The following REEP1 variants were observed in gnomAD, a reference collection of about 807,000 sequenced individuals.
REEP1 encodes the protein receptor accessory protein 1.
REEP1 carries 22 observed loss-of-function variants against 40.3 expected under a neutral mutation model. That is an observed-to-expected ratio of 0.55 (90% CI 0.39 to 0.78). The LOEUF (loss-of-function observed/expected upper bound fraction) is 0.78. Ranked by LOEUF, REEP1 falls within the 30% of genes least tolerant of loss-of-function variation. The pLI is 0.00. For missense variants in REEP1, 280 were observed against 361.1 expected, an observed-to-expected ratio of 0.78 and a Z score of 1.82; for synonymous variants, 116 against 139.2, an observed-to-expected ratio of 0.83 and a Z score of 1.17.
intron 1 of REEP1, among the ~76,000 whole-genome samples, chr2:86,333,830 C>G (rs1680881604): frequency 1.3e-5 from 2 of 152,230 alleles, no homozygotes; most frequent in Admixed American, 1.3e-4. Flanking sequence ...ATGAAGGTAT[C>G]AACCTGGTTC....
chr2:86,276,799 T>G (rs1407662730), intron 2 of REEP1, among the ~76,000 whole-genome samples: 1 of 152,194 alleles, frequency 6.6e-6, no homozygotes, highest in Non-Finnish European at 1.5e-5. Flanking sequence ...CCAGCACTGT[T>G]GGCATCATCT....
chr2:86,305,519 A>G (rs1020595760), intron 1 of REEP1, among the ~76,000 whole-genome samples: 6 of 152,122 alleles, frequency 3.9e-5, no homozygotes, highest in African/African-American at 1.4e-4. Context: ...GGAGCTCTCA[A>G]ACTTGAGAGG....
At chr2:86,333,386 C>T (rs946024421) in intron 1 of REEP1, among the ~76,000 whole-genome samples, 7 of 152,210 alleles carry the variant, frequency 4.6e-5, no homozygotes, top group Non-Finnish European at 1.0e-4. Context: ...CAAACTAAGA[C>T]TCTGTCTTGA....
intron 1 of REEP1, among the ~76,000 whole-genome samples, chr2:86,335,587 A>G (rs1159020400): frequency 6.6e-6 from 1 of 152,174 alleles, no homozygotes. Context: ...GTGGTAGCTC[A>G]CGCCTGTAAT....
intron 5 of REEP1, among the ~76,000 whole-genome samples, chr2:86,236,288 T>C (rs1182806262): frequency 3.3e-5 from 5 of 151,832 alleles, no homozygotes; most frequent in African/African-American, 1.2e-4. Flanking sequence ...CTACACAAAA[T>C]CTCATTCCTA....
At chr2:86,279,153 C>T (rs1221810096) in intron 2 of REEP1, among the ~76,000 whole-genome samples, 1 of 152,214 alleles carries the variant, frequency 6.6e-6, no homozygotes, top group African/African-American at 2.4e-5. Flanking sequence ...TCTGTGCCTT[C>T]CACAGAAAGA....
intron 1 of REEP1, among the ~76,000 whole-genome samples, chr2:86,324,957 C>T (rs1442169448): frequency 2.6e-5 from 4 of 152,182 alleles, no homozygotes; most frequent in South Asian, 2.1e-4. Flanking sequence ...CTTAAACTGG[C>T]GATGAGTAAA....
intron 1 of REEP1, among the ~76,000 whole-genome samples, chr2:86,328,866 G>C (rs1246529528): frequency 2.0e-5 from 3 of 152,172 alleles, no homozygotes; most frequent in African/African-American, 7.2e-5. Context: ...CAGCGTCTAG[G>C]GGTGTGTTAC....
intron 1 of REEP1, among the ~76,000 whole-genome samples, chr2:86,291,655 T>C (rs1248328073): frequency 6.6e-6 from 1 of 151,656 alleles, no homozygotes; most frequent in East Asian, 1.9e-4. Flanking sequence ...TAAAAAAAAC[T>C]GAGCCTCAGA....
At chr2:86,319,114 A>G (rs1051834793) in intron 1 of REEP1, among the ~76,000 whole-genome samples, 3 of 152,230 alleles carry the variant, frequency 2.0e-5, no homozygotes, top group African/African-American at 7.2e-5. Context: ...CACAGGAGAC[A>G]TAGTTGAGGG....
intron 1 of REEP1, among the ~76,000 whole-genome samples, chr2:86,302,300 T>C (rs927064016): frequency 6.6e-6 from 1 of 152,228 alleles, no homozygotes; most frequent in Non-Finnish European, 1.5e-5. Context: ...CTGGCTCCTA[T>C]CACAAGAAAA....
chr2:86,235,429 T>C (rs933009700), intron 5 of REEP1, among the ~76,000 whole-genome samples: 1 of 152,226 alleles, frequency 6.6e-6, no homozygotes, highest in African/African-American at 2.4e-5. Context: ...ACATAGCCCA[T>C]TGCATATTTA....
chr2:86,274,641 C>G (rs1360444814), intron 2 of REEP1, among the ~76,000 whole-genome samples: 1 of 152,182 alleles, frequency 6.6e-6, no homozygotes, highest in African/African-American at 2.4e-5. Flanking sequence ...AAGATTCTAT[C>G]CAAACCTCCC....
At chr2:86,319,472 A>C (rs1036316552) in intron 1 of REEP1, among the ~76,000 whole-genome samples, 49 of 152,348 alleles carry the variant, frequency 3.2e-4, no homozygotes, top group Admixed American at 9.8e-4. Flanking sequence ...CTGTACCCCC[A>C]GCACTTGAGG....
Position 86,220,076 on chromosome 2 carries a change from G to A in REEP1, c.677C>T (p.Pro226Leu). 8.1e-7 allele frequency: 1 copy of A among 1,232,080 alleles called. No homozygotes were observed. Among genetic ancestry groups the A allele is most frequent in the South Asian group, 4.1e-5 (1 of 24,308 alleles). The allele number at this position is 1,232,080 out of a possible 1,614,324, so 76.3% of individuals were successfully genotyped here. A position where few individuals can be genotyped will look rare whatever the true frequency, so the allele number is the denominator to read the frequency against. ...VNEGGMKAWE[P>L]HQVQNPLAFS... ...CGCCAATGGGTTTTGGACCTGGTGG[G>A]GCTCCCATGCCTTCATACCACCCTC... is the stretch of plus-strand genomic sequence containing the variant. The change falls in exon 8 of 9, where the codon CCC (proline) becomes CTC (leucine). Residue 226 changes from proline (P) to leucine (L), a missense_variant. Physicochemically the swap from Pro to Leu is moderately conservative, Grantham distance 98. Around this residue, in one of 3 missense-constraint regions of REEP1, gnomAD observed 201 missense variants for 238.5 expected, o/e 0.84. Transcript: ENST00000538924.
At chr2:86,327,582 T>C (rs1680571756) in intron 1 of REEP1, among the ~76,000 whole-genome samples, 1 of 151,246 alleles carries the variant, frequency 6.6e-6, no homozygotes, top group Non-Finnish European at 1.5e-5. Flanking sequence ...TTTTTTTTTT[T>C]TTGGAGATGG....
intron 5 of REEP1, among the ~76,000 whole-genome samples, chr2:86,245,545 C>T (rs566559399): frequency 5.3e-5 from 8 of 152,190 alleles, no homozygotes; most frequent in Non-Finnish European, 1.0e-4. Flanking sequence ...CTCCTTTTCA[C>T]TGTTTTGCCC....
At chr2:86,311,254 G>C (rs1679750990) in intron 1 of REEP1, among the ~76,000 whole-genome samples, 2 of 152,192 alleles carry the variant, frequency 1.3e-5, no homozygotes, top group Admixed American at 1.3e-4. Context: ...GTCCTGCCAG[G>C]TTCTGCCCGC....
At chr2:86,311,699 C>T (rs1309225919) in intron 1 of REEP1, among the ~76,000 whole-genome samples, 1 of 152,182 alleles carries the variant, frequency 6.6e-6, no homozygotes, top group Non-Finnish European at 1.5e-5. Context: ...AACTTGATTA[C>T]ATTTGCAAAG....
Sources: allele counts gnomAD v4.1 joint callset (sites outside exome capture counted in the v4.1 genomes callset), GRCh38; gene constraint gnomAD v4.1.1; regional missense constraint gnomAD v4.1.1; transcripts MANE v1.5; gene names NCBI Gene and HGNC (gene_info 2026-07-23, HGNC 2026-07-21).